HNRNPL: variants seen among roughly 807,000 people sequenced by gnomAD.
HNRNPL encodes heterogeneous nuclear ribonucleoprotein L, also known as epididymis secretory sperm binding protein.
HNRNPL carries 12 observed loss-of-function variants against 64.0 expected under a neutral mutation model. The observed-to-expected ratio is 0.19, with a 90% CI of 0.12 to 0.30. The LOEUF (loss-of-function observed/expected upper bound fraction) is 0.30, where lower values mean the gene tolerates loss of function less well. Ranked by LOEUF, HNRNPL falls within the 10% of genes least tolerant of loss-of-function variation. The probability of loss-of-function intolerance (pLI) is 1.00; values close to 1 mark genes in which losing one functional copy is unlikely to be tolerated. For synonymous variants in HNRNPL, 385 were observed against 313.0 expected (o/e 1.23, Z -2.43); for missense variants, 484 against 797.4 (o/e 0.61, Z 4.73).
At chr19:38,841,506 C>T (rs1295181579) in intron 6 of HNRNPL, 3 of 511,426 alleles carry the variant, frequency 5.9e-6, no homozygotes, top group South Asian at 1.5e-5. Context: ...GCCACCCGGC[C>T]TGGGTTTTGT....
At chr19:38,847,923 T>C (rs1972355595) in intron 1 of HNRNPL, among the ~76,000 whole-genome samples, 1 of 152,002 alleles carries the variant, frequency 6.6e-6, no homozygotes, top group Admixed American at 6.6e-5. Context: ...GCACACCTGT[T>C]CCCCACCACT....
At position 38,839,762 on chromosome 19, in the gene HNRNPL, G is replaced by C. The variant is rs568120038; in HGVS notation, c.1233+334C>G. 7.4e-4 allele frequency: 194 copies of C among 262,278 alleles called. 1 individual carries two copies. The highest frequency in any genetic ancestry group is 4.2e-3 in the African/African-American group (180 of 43,192). The allele number at this position is 262,278 out of a possible 1,614,324, so 16.2% of individuals were successfully genotyped here. On this transcript the variant is annotated intron_variant, in intron 8 of 12. Coordinates refer to ENST00000221419, the MANE Select transcript of HNRNPL (RefSeq NM_001533.3). Reference sequence around the variant, plus strand: ...AAGGCAGAAGGCCCGGTGTTGCCAGGTCTTAAGTTTTCAGGAGGAAATCCT... The same window carrying C: ...AAGGCAGAAGGCCCGGTGTTGCCAGCTCTTAAGTTTTCAGGAGGAAATCCT...
intron 12 of HNRNPL, 66 bp downstream of exon 12, chr19:38,837,318 C>T (rs759378514): frequency 1.5e-5 from 19 of 1,285,252 alleles, no homozygotes; most frequent in Non-Finnish European, 1.0e-5. Context: ...AAGGACATCC[C>T]TGGCCTGAAG....
chr19:38,844,289 G>A (rs1228817060), intron 4 of HNRNPL, among the ~76,000 whole-genome samples, 185 bp from the exon 5 acceptor site: 4 of 152,170 alleles, frequency 2.6e-5, no homozygotes, highest in South Asian at 2.1e-4. Flanking sequence ...TGGACTCAAC[G>A]CTGCCCCGGG....
chr19:38,839,467 C>T (rs954997773), intron 8 of HNRNPL: 4 of 173,566 alleles, frequency 2.3e-5, no homozygotes, highest in Admixed American at 1.1e-4. Flanking sequence ...AACCTGGGCG[C>T]GTTATTTAAG....
chr19:38,852,220 C>T (rs1972521185), upstream of HNRNPL: 1 of 148,690 alleles, frequency 6.7e-6, no homozygotes, highest in South Asian at 2.0e-4. Context: ...TGCTCGGACC[C>T]TGGCCCCCGG....
intron 9 of HNRNPL, 147 bp downstream of exon 9, chr19:38,838,747 G>T: frequency 1.5e-6 from 2 of 1,322,468 alleles, no homozygotes; most frequent in Non-Finnish European, 2.2e-6. Context: ...CTCCTGTGGT[G>T]TCAGAGACAC....
At chr19:38,845,506 TCA>T in intron 4 of HNRNPL, 142 bp downstream of exon 4, 1 of 684,512 alleles carries the variant, frequency 1.5e-6, no homozygotes, top group Non-Finnish European at 2.6e-6. Flanking sequence ...GCCTCCCTAC[TCA>T]GTCACTGGGC....
rs777199339 is a variant in HNRNPL at position 38,840,562 on chromosome 19, G to A, written c.881-3C>T. 2.5e-6 allele frequency: 4 copies of A among 1,580,170 alleles called. No homozygotes were observed. In the Admixed American group the frequency reaches 7.3e-5, roughly 29 times the overall value. On this transcript the variant is annotated splice_polypyrimidine_tract_variant and splice_region_variant and intron_variant, in intron 6 of 12. Transcript: ENST00000221419. ...GTTGGGGTTGCTGCCAGGGTCACCT[G>A]TGGAGAGAGAAAACAGTTAGGAGTC...
rs2145414322 is a variant in HNRNPL at position 38,840,349 on chromosome 19, T to C, written c.980A>G (p.His327Arg). The change falls in exon 8 of 13, where the codon CAT becomes CGT. Residue 327 changes from histidine to arginine, a missense_variant. This residue lies in a region of HNRNPL where 46 missense variants were observed against 37.4 expected (regional missense o/e 1.23). Transcript: ENST00000221419. ...GGGCCCGTAGCCCTCATCATGGTAATGGCTGTGGTACCCACCGTGGGGCCC... is the reference window on the plus strand; with the variant it reads ...GGGCCCGTAGCCCTCATCATGGTAACGGCTGTGGTACCCACCGTGGGGCCC... ...YGGPHGGYHS[H>R]YHDEGYGPPP... is the part of the protein sequence containing the mutation. 8.4e-6 allele frequency: 13 copies of C among 1,548,990 alleles called. No homozygotes were observed. The highest frequency in any genetic ancestry group is 1.1e-5 in the Non-Finnish European group (13 of 1,146,722).
rs769973226 is a variant in HNRNPL, at chr19:38,847,377, G to A, written c.325C>T (p.Leu109=). 4 of 1,569,772 alleles carry A rather than the reference G, an allele frequency of 2.5e-6. No homozygotes were observed. Among genetic ancestry groups the A allele is most frequent in the Non-Finnish European group, 3.5e-6 (4 of 1,156,434 alleles). ...PASPVVHIRG[L]IDGVVEADLV... is the part of the protein sequence containing the mutation. ...TCTGCTTCCACCACACCGTCAATCA[G>A]GCCCCTGATGTGGACAACTGGGGAG... The change falls in exon 2 of 13, where the codon CTG becomes TTG. Residue 109 remains leucine, a synonymous_variant. Coordinates refer to ENST00000221419, the MANE Select transcript of HNRNPL (RefSeq NM_001533.3).
intron 3 of HNRNPL, 21 bp from the exon 4 acceptor site, chr19:38,845,756 A>G: frequency 6.2e-7 from 1 of 1,608,358 alleles, no homozygotes; most frequent in Non-Finnish European, 8.5e-7. Flanking sequence ...AAACACAGGC[A>G]AGATGAAGGG....
rs540766998 is a variant in HNRNPL, at chr19:38,849,889, C to G, written c.78G>C (p.Arg26=). The part of the protein sequence containing the change: ...LEQRQQPDEQ[R]RRSGAMVKMA... ...TCTTCACCATCGCTCCCGACCGCCT[C>G]CGCTGCTCGTCCGGCTGCTGCCTCT... Residue 26 remains arginine (R), a synonymous_variant, in exon 1 of 13, where the codon CGG becomes CGC. Transcript: ENST00000221419. 4 of 1,251,502 alleles carry G rather than the reference C, an allele frequency of 3.2e-6. No individual in the cohort carries two copies. The African/African-American group carries it at 4.6e-5, about 14-fold the overall frequency. The allele number at this position is 1,251,502 out of a possible 1,614,324, so 77.5% of individuals were successfully genotyped here.
upstream of HNRNPL, chr19:38,850,031 C>T: frequency 2.3e-6 from 3 of 1,284,626 alleles, no homozygotes; most frequent in South Asian, 3.7e-5. Context: ...CACCCGCCGC[C>T]CCCACCCGAT....
chr19:38,850,513 T>A (rs996423259), upstream of HNRNPL, among the ~76,000 whole-genome samples: 1 of 152,202 alleles, frequency 6.6e-6, no homozygotes, highest in African/African-American at 2.4e-5. Context: ...ATGGTAGGAC[T>A]GTTGATACGC....
At chr19:38,845,767 G>A (rs1972271945) in intron 3 of HNRNPL, 32 bp from the exon 4 acceptor site, 5 of 1,600,756 alleles carry the variant, frequency 3.1e-6, no homozygotes, top group Middle Eastern at 1.7e-4. Flanking sequence ...AGATGAAGGG[G>A]CACTGGCAGA....
chr19:38,849,608 G>T, intron 1 of HNRNPL, 92 bp downstream of exon 1: 1 of 1,280,922 alleles, frequency 7.8e-7, no homozygotes, highest in Non-Finnish European at 9.9e-7. Context: ...GGGCGCGTGC[G>T]CAGAGGCCCC....
chr19:38,841,657 C>A, intron 6 of HNRNPL: 1 of 1,284,794 alleles, frequency 7.8e-7, no homozygotes, highest in Non-Finnish European at 1.0e-6. Context: ...TGAAAGATGG[C>A]GTCCCATCAA....
At chr19:38,852,170 A>AC (rs1212674415), upstream of HNRNPL, 3 of 135,484 alleles carry the variant, frequency 2.2e-5, no homozygotes, top group Non-Finnish European at 3.2e-5. Flanking sequence ...GGTGACCCGC[A>AC]CCCCCCGCGC....
Sources: gnomAD v4.1 joint callset for allele counts (sites outside exome capture counted in the v4.1 genomes callset) on GRCh38, gnomAD v4.1.1 for gene constraint, gnomAD v4.1.1 regional missense constraint, MANE v1.5 for transcripts, NCBI Gene and HGNC (gene_info 2026-07-23, HGNC 2026-07-21) for gene names.